Variants in GREB1L observed in about 807,000 individuals in gnomAD.
GREB1L encodes the protein GREB1 like retinoic acid receptor coactivator, also known as GREB1-like protein.
GREB1L carries 17 observed loss-of-function variants against 200.8 expected under a neutral mutation model. That is an observed-to-expected ratio of 0.08 (90% CI 0.06 to 0.13). The LOEUF is 0.13. Ranked by LOEUF, GREB1L falls within the 10% of genes least tolerant of loss-of-function variation. GREB1L has a pLI of 1.00. For synonymous variants in GREB1L, 789 were observed against 893.0 expected, an observed-to-expected ratio of 0.88 and a Z score of 2.08; for missense variants, 1,657 against 2,367.7, an observed-to-expected ratio of 0.70 and a Z score of 6.23.
At chr18:21,416,990 A>C (rs1200452768) in intron 7 of GREB1L, among the ~76,000 whole-genome samples, 1 of 152,132 alleles carries the variant, frequency 6.6e-6, no homozygotes, top group African/African-American at 2.4e-5. Flanking sequence ...ACTGTACTCC[A>C]GCCTGGGAGA....
chr18:21,323,983 G>A (rs1328192533), intron 1 of GREB1L, among the ~76,000 whole-genome samples: 1 of 152,164 alleles, frequency 6.6e-6, no homozygotes, highest in Non-Finnish European at 1.5e-5. Flanking sequence ...GATACACAGA[G>A]GCATACAGAG....
chr18:21,464,251 C>T (rs1220510270), intron 15 of GREB1L, among the ~76,000 whole-genome samples: 1 of 151,982 alleles, frequency 6.6e-6, no homozygotes, highest in Non-Finnish European at 1.5e-5. Context: ...ATTAGGGGGC[C>T]GGGCGCGGTC....
chr18:21,251,535 A>G (rs566162833), intron 1 of GREB1L, among the ~76,000 whole-genome samples: 1 of 152,388 alleles, frequency 6.6e-6, no homozygotes, highest in Middle Eastern at 3.4e-3. Flanking sequence ...GGTATATATT[A>G]AAAGATAGAC....
chr18:21,439,881 G>A (rs1568012617), intron 8 of GREB1L, among the ~76,000 whole-genome samples: 1 of 152,152 alleles, frequency 6.6e-6, no homozygotes, highest in Non-Finnish European at 1.5e-5. Context: ...AAAAACCATG[G>A]GTTTAGCTGA....
At chr18:21,420,550 A>G (rs2032068302) in intron 7 of GREB1L, among the ~76,000 whole-genome samples, 1 of 152,198 alleles carries the variant, frequency 6.6e-6, no homozygotes, top group African/African-American at 2.4e-5. Context: ...AAGATACTCA[A>G]CATCATTAAT....
At chr18:21,506,680 C>A (rs892043542) in intron 25 of GREB1L, among the ~76,000 whole-genome samples, 5 of 152,220 alleles carry the variant, frequency 3.3e-5, no homozygotes, top group African/African-American at 1.2e-4. Context: ...GTGATTCTAA[C>A]AAGACTGTTG....
chr18:21,487,990 G>A (rs1020432764), intron 18 of GREB1L, among the ~76,000 whole-genome samples: 2 of 150,246 alleles, frequency 1.3e-5, no homozygotes, highest in African/African-American at 4.9e-5. Flanking sequence ...CAGTCCGAGC[G>A]ACAGAGTGAG....
intron 1 of GREB1L, among the ~76,000 whole-genome samples, chr18:21,306,313 G>A (rs1194034558): frequency 6.6e-6 from 1 of 152,156 alleles, no homozygotes; most frequent in African/African-American, 2.4e-5. Context: ...TTGTATTTTA[G>A]GGAGGATATT....
intron 15 of GREB1L, among the ~76,000 whole-genome samples, chr18:21,469,554 T>A (rs1466017407): frequency 2.0e-5 from 3 of 152,220 alleles, no homozygotes; most frequent in Admixed American, 6.5e-5. Flanking sequence ...TATTGAAGAA[T>A]GGTATTTAGA....
At chr18:21,312,747 T>C (rs1317082813) in intron 1 of GREB1L, among the ~76,000 whole-genome samples, 1 of 151,956 alleles carries the variant, frequency 6.6e-6, no homozygotes, top group East Asian at 1.9e-4. Flanking sequence ...AGAGATGGGG[T>C]TTCACCATGT....
At chr18:21,416,090 A>G (rs1335942961) in intron 7 of GREB1L, among the ~76,000 whole-genome samples, 1 of 152,220 alleles carries the variant, frequency 6.6e-6, no homozygotes, top group African/African-American at 2.4e-5. Flanking sequence ...TATATTTCAT[A>G]TCTTCAGAAA....
intron 23 of GREB1L, among the ~76,000 whole-genome samples, chr18:21,503,262 A>G (rs898141348): frequency 6.6e-6 from 1 of 151,986 alleles, no homozygotes; most frequent in African/African-American, 2.4e-5. Context: ...GCTGGAGTGC[A>G]GTGGTATGAT....
intron 1 of GREB1L, among the ~76,000 whole-genome samples, chr18:21,266,152 T>C (rs2037964220): frequency 6.6e-6 from 1 of 152,214 alleles, no homozygotes; most frequent in African/African-American, 2.4e-5. Flanking sequence ...CTCCATTCAC[T>C]AAGCCCTCTT....
chr18:21,330,408 C>T (rs1238712054), intron 1 of GREB1L, among the ~76,000 whole-genome samples: 1 of 152,206 alleles, frequency 6.6e-6, no homozygotes, highest in Non-Finnish European at 1.5e-5. Context: ...CTGTAAAGAA[C>T]ACAGAGCATG....
At chr18:21,487,947 G>A (rs2036189009) in intron 18 of GREB1L, among the ~76,000 whole-genome samples, 1 of 151,930 alleles carries the variant, frequency 6.6e-6, no homozygotes, top group African/African-American at 2.4e-5. Context: ...GGAGGCGGAG[G>A]TTGCAGTGAG....
At chr18:21,460,160 CTTGT>C (rs966434773) in intron 15 of GREB1L, among the ~76,000 whole-genome samples, 1 of 151,712 alleles carries the variant, frequency 6.6e-6, no homozygotes, top group Non-Finnish European at 1.5e-5. Flanking sequence ...TTTGTTTTGT[CTTGT>C]TTTTGTTTTC....
chr18:21,508,670 T>G, intron 27 of GREB1L, 79 bp downstream of exon 27: 1 of 1,157,796 alleles, frequency 8.6e-7, no homozygotes, highest in Non-Finnish European at 1.2e-6. Flanking sequence ...AACTTTCAGA[T>G]TCCCCTGCCT....
At chr18:21,395,252 A>G (rs2041005599) in intron 4 of GREB1L, 133 bp from the exon 5 acceptor site, 8 of 640,960 alleles carry the variant, frequency 1.2e-5, no homozygotes, top group Non-Finnish European at 2.1e-5. Context: ...TGGTTGGAGT[A>G]TAGGGGTATA....
At chr18:21,489,919 C>T (rs2036264861) in intron 18 of GREB1L, 93 bp from the exon 19 acceptor site, 1 of 884,352 alleles carries the variant, frequency 1.1e-6, no homozygotes, top group Non-Finnish European at 1.7e-6. Context: ...AGCCCCTTCC[C>T]CACCATGCTT....
Sources: allele counts gnomAD v4.1 joint callset (sites outside exome capture counted in the v4.1 genomes callset), GRCh38; gene constraint gnomAD v4.1.1; transcripts MANE v1.5; gene names NCBI Gene and HGNC (gene_info 2026-07-23, HGNC 2026-07-21).